FECH: variants seen among roughly 807,000 people sequenced by gnomAD.
FECH encodes the protein ferrochelatase, also known as ferrochelatase, mitochondrial.
A neutral mutation model predicts 56.9 loss-of-function variants in FECH; 40 were observed. That is an observed-to-expected ratio of 0.70 (90% CI 0.55 to 0.92). The LOEUF is 0.92. FECH is among the 40% of genes least tolerant of loss of function. The pLI, the probability that FECH is intolerant of heterozygous loss-of-function variation, is 0.00. For missense variants in FECH, 431 were observed against 529.1 expected, an observed-to-expected ratio of 0.81 and a Z score of 1.82; for synonymous variants, 175 against 198.6, an observed-to-expected ratio of 0.88 and a Z score of 1.00.
chr18:57,586,437 C>T, intron 1 of FECH, 117 bp downstream of exon 1: 1 of 1,159,338 alleles, frequency 8.6e-7, no homozygotes, highest in Non-Finnish European at 1.2e-6. Context: ...GCTCGCAGCA[C>T]CCCCAAGGCC....
chr18:57,564,730 G>A (rs566302072), intron 5 of FECH, among the ~76,000 whole-genome samples: 12 of 152,302 alleles, frequency 7.9e-5, no homozygotes, highest in African/African-American at 2.4e-4. Flanking sequence ...AAGTTGTCAC[G>A]ACCATATTCA....
chr18:57,582,006 TAA>T (rs35508740), intron 1 of FECH, among the ~76,000 whole-genome samples: 3 of 148,494 alleles, frequency 2.0e-5, no homozygotes, highest in African/African-American at 2.5e-5. Flanking sequence ...GTTGGTGTTT[TAA>T]AAAAAAAAAA....
chr18:57,563,942 G>T (rs751220666), intron 5 of FECH, among the ~76,000 whole-genome samples: 1 of 152,076 alleles, frequency 6.6e-6, no homozygotes, highest in African/African-American at 2.4e-5. Flanking sequence ...GCAGTGGCGC[G>T]ATCTCAGCTT....
intron 1 of FECH, among the ~76,000 whole-genome samples, chr18:57,582,716 A>G (rs2051301417): frequency 6.6e-6 from 1 of 150,740 alleles, no homozygotes; most frequent in Non-Finnish European, 1.5e-5. Flanking sequence ...GATCAAGACC[A>G]TCCTGGCTAA....
rs902149865 is a variant in FECH, at chr18:57,548,617, C to G, written c.*2095G>C. 5.9e-5 allele frequency: 9 copies of G among 152,218 alleles called. No individual in the cohort carries two copies. The highest frequency in any genetic ancestry group is 1.9e-4 in the African/African-American group (8 of 41,454). The allele number at this position is 152,218 out of a possible 1,614,324, so 9.4% of individuals were successfully genotyped here. A position where few individuals can be genotyped will look rare whatever the true frequency, so the allele number is the denominator to read the frequency against. On this transcript the variant is annotated 3_prime_UTR_variant, in exon 11 of 11. Transcript: ENST00000262093. ...AAGCTCTAAAAAGATTTTGTCCTAC[C>G]AAACACTAGCCTAATGTATGACCGT...
At chr18:57,574,608 C>G (rs1407978792) in intron 2 of FECH, among the ~76,000 whole-genome samples, 1 of 152,242 alleles carries the variant, frequency 6.6e-6, no homozygotes, top group Non-Finnish European at 1.5e-5. Flanking sequence ...GGAGTCAACA[C>G]AGCCCAAAGT....
At chr18:57,564,998 T>C (rs2050998235) in intron 5 of FECH, among the ~76,000 whole-genome samples, 1 of 152,236 alleles carries the variant, frequency 6.6e-6, no homozygotes, top group Admixed American at 6.5e-5. Context: ...TCGCAAAGCC[T>C]TCCACAACTT....
intron 6 of FECH, among the ~76,000 whole-genome samples, chr18:57,560,929 T>C (rs2050936522): frequency 6.6e-6 from 1 of 152,170 alleles, no homozygotes; most frequent in African/African-American, 2.4e-5. Flanking sequence ...ATTTGGTAAA[T>C]AAATATCCTA....
chr18:57,559,992 T>G (rs2050921256), intron 6 of FECH, among the ~76,000 whole-genome samples: 1 of 152,194 alleles, frequency 6.6e-6, no homozygotes, highest in South Asian at 2.1e-4. Context: ...ATACCAGAAC[T>G]GAAGGGGCTT....
intron 6 of FECH, among the ~76,000 whole-genome samples, 184 bp from the exon 7 acceptor site, chr18:57,559,427 A>G (rs892896871): frequency 6.6e-6 from 1 of 152,198 alleles, no homozygotes; most frequent in Non-Finnish European, 1.5e-5. Flanking sequence ...ATCAAAATGG[A>G]TCATAACAGT....
At chr18:57,560,300 T>C (rs1367554619) in intron 6 of FECH, among the ~76,000 whole-genome samples, 1 of 152,120 alleles carries the variant, frequency 6.6e-6, no homozygotes, top group Non-Finnish European at 1.5e-5. Context: ...CACACACACA[T>C]ACATACACAC....
Position 57,554,424 on chromosome 18 carries a change from C to A in FECH, c.913G>T (p.Val305Phe), listed in dbSNP as rs765518889. 5 of 1,614,072 alleles carry A rather than the reference C, an allele frequency of 3.1e-6. No individual in the cohort carries two copies. Among genetic ancestry groups the A allele is most frequent in the Non-Finnish European group, 4.2e-6 (5 of 1,180,026 alleles). Residue 305 changes from valine to phenylalanine, a missense_variant and splice_region_variant, in exon 9 of 11, where the codon GTT becomes TTT. Transcript: ENST00000262093. ...GGACCCAACCAGGGCATTGGACCAA[C>A]CTATGCGAAAGATAGACGAATGCGT... ...NPYRLVWQSK[V>F]GPMPWLGPQT...
chr18:57,565,041 T>C (rs1598994511), intron 5 of FECH, among the ~76,000 whole-genome samples: 1 of 152,198 alleles, frequency 6.6e-6, no homozygotes, highest in Non-Finnish European at 1.5e-5. Context: ...TTACATGAGA[T>C]ACATTCAAGA....
intron 1 of FECH, among the ~76,000 whole-genome samples, chr18:57,582,816 A>G (rs1009360075): frequency 5.9e-5 from 9 of 151,330 alleles, no homozygotes; most frequent in Admixed American, 2.0e-4. Flanking sequence ...CCAGGCTGAG[A>G]CAGGAGAATG....
rs1010007014 is a variant in FECH at position 57,546,537 on chromosome 18, T to C, written c.*4175A>G. Among the ~76,000 whole-genome samples the C allele has an allele frequency of 2.0e-5, 3 of 152,234 alleles. No homozygotes were observed. Among genetic ancestry groups the C allele is most frequent in the Non-Finnish European group, 4.4e-5 (3 of 68,046 alleles). On this transcript the variant is annotated 3_prime_UTR_variant, in exon 11 of 11. Coordinates refer to ENST00000262093, the MANE Select transcript of FECH (RefSeq NM_000140.5). ...GGCATCACATTGAGCAAAGGATCTCTTTTACATGCCTTAAGTTATGGTTTC... is the reference window on the plus strand; with the variant it reads ...GGCATCACATTGAGCAAAGGATCTCCTTTACATGCCTTAAGTTATGGTTTC...
chr18:57,584,178 CA>C (rs373579412), intron 1 of FECH, among the ~76,000 whole-genome samples: 38,038 of 136,960 alleles, frequency 0.28, 5,177 homozygotes, highest in Non-Finnish European at 0.34. Context: ...GACTCCGTCT[CA>C]AAAAAAAAAA....
Position 57,580,183 on chromosome 18 carries a change from C to T in FECH, c.84G>A (p.Trp28Ter). Residue 28 changes from tryptophan (W) to a stop codon, truncating the protein, a stop_gained, in exon 2 of 11, where the codon TGG becomes TGA. Coordinates refer to ENST00000262093, the MANE Select transcript of FECH (RefSeq NM_000140.5). LOFTEE classifies it high-confidence loss of function. ...TCCACCTCCATGGCTGACAGACCCT[C>T]CAGCTGCTGGATGCCACTGTGACAA... ...LLRDPLASSSWRVCQPWRWKS... is the reference protein window; with the variant it reads ...LLRDPLASSS The T allele has an allele frequency of 6.2e-7, 1 of 1,614,194 alleles. No homozygotes were observed.
intron 1 of FECH, among the ~76,000 whole-genome samples, chr18:57,581,247 T>TA (rs1403793753): frequency 6.6e-6 from 1 of 152,154 alleles, no homozygotes; most frequent in Non-Finnish European, 1.5e-5. Flanking sequence ...CCACATACCA[T>TA]ATATGTGCCT....
rs1207273557 is a variant in FECH, at chr18:57,547,198, G to A, written c.*3514C>T. 1.3e-5 allele frequency among the ~76,000 whole-genome samples: 2 copies of A among 152,118 alleles called. No individual in the cohort carries two copies. Among genetic ancestry groups the A allele is most frequent in the African/African-American group, 4.8e-5 (2 of 41,406 alleles). ...TGTCTTGGATGAGACTTTGAACTTGGACTTTTGGGTTAATGCTGGAATGAG... is the reference window on the plus strand; with the variant it reads ...TGTCTTGGATGAGACTTTGAACTTGAACTTTTGGGTTAATGCTGGAATGAG... On this transcript the variant is annotated 3_prime_UTR_variant, in exon 11 of 11. Coordinates refer to ENST00000262093, the MANE Select transcript of FECH (RefSeq NM_000140.5).
Sources: allele counts gnomAD v4.1 joint callset (sites outside exome capture counted in the v4.1 genomes callset), GRCh38; gene constraint gnomAD v4.1.1; transcripts MANE v1.5; gene names NCBI Gene and HGNC (gene_info 2026-07-23, HGNC 2026-07-21).